The following LDB2 variants were observed in gnomAD, a reference collection of about 807,000 sequenced individuals.
The protein encoded by LDB2 is LIM domain-binding protein 2.
A neutral mutation model predicts 44.3 loss-of-function variants in LDB2; 12 were observed. The observed-to-expected ratio is 0.27, with a 90% CI of 0.17 to 0.44. The LOEUF is 0.44. LDB2 is among the 20% of genes least tolerant of loss of function. The pLI, the probability that LDB2 is intolerant of heterozygous loss-of-function variation, is 1.00. For synonymous variants in LDB2, 164 were observed against 174.8 expected (o/e 0.94, Z 0.49); for missense variants, 344 against 473.5 (o/e 0.73, Z 2.54).
At chr4:16,645,263 G>A (rs576692611) in intron 2 of LDB2, among the ~76,000 whole-genome samples, 5 of 152,270 alleles carry the variant, frequency 3.3e-5, no homozygotes, top group South Asian at 2.1e-4. Context: ...GTGGCCGGGC[G>A]CGGTGGCTCA....
At chr4:16,521,469 G>A (rs1434708608) in intron 5 of LDB2, among the ~76,000 whole-genome samples, 1 of 152,102 alleles carries the variant, frequency 6.6e-6, no homozygotes, top group Non-Finnish European at 1.5e-5. Flanking sequence ...ATGATTTCAT[G>A]CTGAGATCTT....
Position 16,743,539 on chromosome 4 carries a change from C to G in LDB2, c.235+15619G>C, listed in dbSNP as rs372979880. On this transcript the variant is annotated intron_variant, in intron 2 of 7. Coordinates refer to ENST00000304523, the MANE Select transcript of LDB2 (RefSeq NM_001290.5). The stretch of plus-strand genomic sequence containing the variant: ...TGGGTTCATGAAAAGAGAGATTTTC[C>G]TGGGCAGGTCTGATATAATGAGGCA... 8.5e-5 allele frequency among the ~76,000 whole-genome samples: 13 copies of G among 152,198 alleles called. No homozygotes were observed. In the East Asian group the frequency reaches 2.5e-3, roughly 29 times the overall value.
intron 2 of LDB2, among the ~76,000 whole-genome samples, chr4:16,607,953 C>CAAA (rs988520181): frequency 6.6e-6 from 1 of 151,544 alleles, no homozygotes; most frequent in East Asian, 1.9e-4. Flanking sequence ...ATCAAGACCA[C>CAAA]AAAAAAGGGG....
Position 16,792,122 on chromosome 4 carries a change from T to C in LDB2, c.133-32862A>G, listed in dbSNP as rs1414631650. ...ATGAGAAACAAAATGGGTGTGGATTTGAGGATTTCACATATTGTGAGATCA... is the reference window on the plus strand; with the variant it reads ...ATGAGAAACAAAATGGGTGTGGATTCGAGGATTTCACATATTGTGAGATCA... On this transcript the variant is annotated intron_variant, in intron 1 of 7. Transcript: ENST00000304523. Among the ~76,000 whole-genome samples the C allele has an allele frequency of 2.5e-4, 38 of 152,228 alleles. 1 individual carries two copies. The highest frequency in any genetic ancestry group is 2.5e-3 in the Admixed American group (38 of 15,284).
intron 5 of LDB2, among the ~76,000 whole-genome samples, chr4:16,555,928 T>C (rs147773251): frequency 6.6e-6 from 1 of 151,880 alleles, no homozygotes; most frequent in Non-Finnish European, 1.5e-5. Flanking sequence ...CCATGGCCCT[T>C]CTTCTTCTTC....
rs34484721 is a variant in LDB2 at position 16,637,299 on chromosome 4, ATTTTTT to A, written c.236-41430_236-41425del. Among the ~76,000 whole-genome samples, 104 of 85,510 alleles carry A rather than the reference ATTTTTT, an allele frequency of 1.2e-3. No individual in the cohort carries two copies. The South Asian group carries it at 0.024, about 20-fold the overall frequency. 56.1% of individuals were successfully genotyped at this position (85,510 alleles called of 152,430 possible). ...TCTATGGAAGTTCTTGCCTAGGCTGATTTTTTTTTTTTTTTTTTTTTTTTTGCATTT... is the reference window on the plus strand; with the variant it reads ...TCTATGGAAGTTCTTGCCTAGGCTGATTTTTTTTTTTTTTTTTTTGCATTT... On this transcript the variant is annotated intron_variant, in intron 2 of 7. Coordinates refer to ENST00000304523, the MANE Select transcript of LDB2 (RefSeq NM_001290.5).
chr4:16,894,935 GA>G (rs933322346), intron 1 of LDB2, among the ~76,000 whole-genome samples: 7 of 148,630 alleles, frequency 4.7e-5, no homozygotes, highest in Middle Eastern at 3.4e-3. Flanking sequence ...ATTGATAAAA[GA>G]AAAAAAAACC....
At position 16,764,846 on chromosome 4, in the gene LDB2, A is replaced by C. The variant is rs1307573452; in HGVS notation, c.133-5586T>G. On this transcript the variant is annotated intron_variant, in intron 1 of 7. Transcript: ENST00000304523. ...CGGCCAGCAGGAGGCTGTGTGAGTT[A>C]AGCTATAAGCCGTTTTGATGAAGGA... is the stretch of plus-strand genomic sequence containing the variant. Among the ~76,000 whole-genome samples, 4 of 152,298 alleles carry C rather than the reference A, an allele frequency of 2.6e-5. No individual in the cohort carries two copies. In the East Asian group the frequency reaches 7.7e-4, roughly 29 times the overall value.
At chr4:16,633,399 C>A (rs889263341) in intron 2 of LDB2, among the ~76,000 whole-genome samples, 1 of 152,044 alleles carries the variant, frequency 6.6e-6, no homozygotes, top group Non-Finnish European at 1.5e-5. Context: ...AACAAACTTG[C>A]ACATTGTGCA....
chr4:16,781,472 C>T (rs1035363560), intron 1 of LDB2, among the ~76,000 whole-genome samples: 4 of 152,066 alleles, frequency 2.6e-5, no homozygotes, highest in Non-Finnish European at 4.4e-5. Context: ...AAGGCACGAA[C>T]AGTGAGGAGG....
intron 5 of LDB2, among the ~76,000 whole-genome samples, chr4:16,552,848 C>T (rs1045307886): frequency 6.6e-6 from 1 of 152,166 alleles, no homozygotes; most frequent in African/African-American, 2.4e-5. Context: ...ATCACAAGGA[C>T]TGATGTTCGT....
At chr4:16,880,454 C>T (rs748788584) in intron 1 of LDB2, among the ~76,000 whole-genome samples, 18 of 152,130 alleles carry the variant, frequency 1.2e-4, no homozygotes, top group Non-Finnish European at 2.4e-4. Context: ...AGAAGGAGCA[C>T]GTTTTTCTAG....
chr4:16,686,482 G>GAC (rs1749280808), intron 2 of LDB2, among the ~76,000 whole-genome samples: 1 of 152,200 alleles, frequency 6.6e-6, no homozygotes, highest in Admixed American at 6.5e-5. Flanking sequence ...TTGTGCTCTT[G>GAC]CTCTTGTGTG....
intron 2 of LDB2, among the ~76,000 whole-genome samples, chr4:16,624,466 T>A (rs1052785364): frequency 6.6e-6 from 1 of 152,208 alleles, no homozygotes; most frequent in African/African-American, 2.4e-5. Context: ...GGTAACTACA[T>A]TTTTTATTAT....
chr4:16,519,803 T>G (rs569302272), intron 5 of LDB2, among the ~76,000 whole-genome samples: 1 of 151,930 alleles, frequency 6.6e-6, no homozygotes, highest in Non-Finnish European at 1.5e-5. Context: ...TGAAACAAAG[T>G]AAGTAACCCT....
chr4:16,528,233 G>A (rs761074807), intron 5 of LDB2, among the ~76,000 whole-genome samples: 17 of 152,254 alleles, frequency 1.1e-4, no homozygotes, highest in African/African-American at 4.1e-4. Context: ...CGGGTGAGAG[G>A]TTAAAGACTA....
rs1771666968 is a variant in LDB2, at chr4:16,775,373, T to C, written c.133-16113A>G. ...ACCTTGCTGCCAGAGGACCTGGGTCTAGACATCAATGACATTATTCTTTGC... is the reference window on the plus strand; with the variant it reads ...ACCTTGCTGCCAGAGGACCTGGGTCCAGACATCAATGACATTATTCTTTGC... On this transcript the variant is annotated intron_variant, in intron 1 of 7. Transcript: ENST00000304523. Among the ~76,000 whole-genome samples, 3 of 152,222 alleles carry C rather than the reference T, an allele frequency of 2.0e-5. No homozygotes were observed. In the East Asian group the frequency reaches 5.8e-4, roughly 29 times the overall value.
At chr4:16,545,503 G>A (rs754032474) in intron 5 of LDB2, among the ~76,000 whole-genome samples, 11 of 152,110 alleles carry the variant, frequency 7.2e-5, no homozygotes, top group East Asian at 1.9e-4. Flanking sequence ...TCTTCAAAAC[G>A]TGTACACCAT....
chr4:16,840,199 A>G lies in LDB2; in HGVS notation c.132+58155T>C, dbSNP rs570336266. Among the ~76,000 whole-genome samples the G allele has an allele frequency of 2.0e-5, 3 of 152,264 alleles. No individual in the cohort carries two copies. In the South Asian group the frequency reaches 6.2e-4, roughly 32 times the overall value. ...AACTCTGATAGATTTATCAGACAAA[A>G]ATGGCAAACTCAGGCACTGAGCCCA... On this transcript the variant is annotated intron_variant, in intron 1 of 7. Transcript: ENST00000304523.
Sources: allele counts gnomAD v4.1 joint callset (sites outside exome capture counted in the v4.1 genomes callset), GRCh38; gene constraint gnomAD v4.1.1; transcripts MANE v1.5; gene names NCBI Gene and HGNC (gene_info 2026-07-23, HGNC 2026-07-21).